Variants in TNR observed in about 807,000 individuals in gnomAD.
TNR encodes the protein tenascin-R.
Under a neutral mutation model 150.4 loss-of-function variants are expected in TNR, and 45 were observed. The observed-to-expected ratio is 0.30, with a 90% CI of 0.24 to 0.38. The LOEUF (loss-of-function observed/expected upper bound fraction) is 0.38, where lower values mean the gene tolerates loss of function less well. Ranked by LOEUF, TNR falls within the 10% of genes least tolerant of loss-of-function variation. The probability of loss-of-function intolerance (pLI) is 1.00; values close to 1 mark genes in which losing one functional copy is unlikely to be tolerated. For synonymous variants in TNR, 687 were observed against 678.4 expected, an observed-to-expected ratio of 1.01 and a Z score of -0.20; for missense variants, 1,544 against 1,759.1, an observed-to-expected ratio of 0.88 and a Z score of 2.19.
chr1:175,528,046 TA>T (rs1433981637), intron 2 of TNR, among the ~76,000 whole-genome samples: 1 of 152,186 alleles, frequency 6.6e-6, no homozygotes, highest in African/African-American at 2.4e-5. Flanking sequence ...AGAAATATTT[TA>T]TGAGAAGCCA....
At chr1:175,330,364 T>C (rs1393811879) in intron 20 of TNR, 129 bp from the exon 21 acceptor site, 4 of 1,029,296 alleles carry the variant, frequency 3.9e-6, no homozygotes, top group Non-Finnish European at 5.4e-6. Context: ...CTTTTGCTCT[T>C]GGTGCTTCAC....
intron 1 of TNR, among the ~76,000 whole-genome samples, chr1:175,710,436 G>T (rs568225389): frequency 6.6e-6 from 1 of 152,102 alleles, no homozygotes; most frequent in South Asian, 2.1e-4. Flanking sequence ...TCTAAAAAGC[G>T]TCTATAGCTC....
At chr1:175,324,167 T>A (rs1432349568) in intron 22 of TNR, among the ~76,000 whole-genome samples, 189 bp downstream of exon 22, 1 of 152,238 alleles carries the variant, frequency 6.6e-6, no homozygotes, top group Non-Finnish European at 1.5e-5. Flanking sequence ...CTGGGTCCTT[T>A]CCTTTCCTTC....
chr1:175,517,881 G>A (rs1659479587), intron 2 of TNR, among the ~76,000 whole-genome samples: 2 of 152,172 alleles, frequency 1.3e-5, no homozygotes, highest in South Asian at 4.1e-4. Context: ...ATGTTTCCAG[G>A]CTGCTCAGCA....
At chr1:175,649,888 T>C (rs1281326497) in intron 1 of TNR, among the ~76,000 whole-genome samples, 1 of 152,252 alleles carries the variant, frequency 6.6e-6, no homozygotes, top group Non-Finnish European at 1.5e-5. Flanking sequence ...TCCATATCTT[T>C]GCAAGTGATG....
At chr1:175,727,216 T>A (rs1321320314) in intron 1 of TNR, among the ~76,000 whole-genome samples, 1 of 152,196 alleles carries the variant, frequency 6.6e-6, no homozygotes, top group African/African-American at 2.4e-5. Flanking sequence ...GCCTAAAACT[T>A]TGGATCTATA....
At position 175,323,347 on chromosome 1, in the gene TNR, C is replaced by T. The variant is rs371264534; in HGVS notation, c.*10G>A. 1.7e-5 allele frequency: 27 copies of T among 1,611,586 alleles called. No homozygotes were observed. Among genetic ancestry groups the T allele is most frequent in the African/African-American group, 4.0e-5 (3 of 74,924 alleles). ...CAGAAAATATTGGTTGGCTTGCAGC[C>T]GCCCACTGCTCAGAACTGTAAGGAC... On this transcript the variant is annotated 3_prime_UTR_variant, in exon 23 of 23. Coordinates refer to ENST00000367674, the MANE Select transcript of TNR (RefSeq NM_003285.3).
At chr1:175,678,039 T>A (rs756470630) in intron 1 of TNR, among the ~76,000 whole-genome samples, 1 of 152,006 alleles carries the variant, frequency 6.6e-6, no homozygotes, top group Admixed American at 6.6e-5. Context: ...AAAAAGCTGT[T>A]CCTAATGGGC....
chr1:175,595,545 T>C (rs1336142986), intron 1 of TNR, among the ~76,000 whole-genome samples: 1 of 152,226 alleles, frequency 6.6e-6, no homozygotes, highest in Non-Finnish European at 1.5e-5. Context: ...CGGTATACTT[T>C]TGCATTGACT....
intron 1 of TNR, among the ~76,000 whole-genome samples, chr1:175,666,140 T>C (rs73033394): frequency 0.019 from 2,856 of 152,252 alleles, 90 homozygotes; most frequent in African/African-American, 0.065. Context: ...GAAAGGTAAG[T>C]ATTATTTATT....
chr1:175,536,450 A>T (rs947567811), intron 1 of TNR, among the ~76,000 whole-genome samples: 39 of 152,220 alleles, frequency 2.6e-4, no homozygotes, highest in Non-Finnish European at 5.3e-4. Flanking sequence ...TTCCATCATT[A>T]TCCCCATTTT....
intron 2 of TNR, among the ~76,000 whole-genome samples, chr1:175,475,350 G>A (rs1160529996): frequency 1.3e-5 from 2 of 152,202 alleles, no homozygotes; most frequent in East Asian, 3.9e-4. Flanking sequence ...GCTTGGGGAG[G>A]AAGCATGGCA....
intron 2 of TNR, among the ~76,000 whole-genome samples, chr1:175,442,619 G>A (rs936350305): frequency 6.6e-5 from 10 of 151,760 alleles, no homozygotes; most frequent in Admixed American, 6.5e-4. Context: ...AGCAACCAGA[G>A]AGAAGAGTAG....
intron 1 of TNR, among the ~76,000 whole-genome samples, chr1:175,566,243 C>T (rs567794289): frequency 1.3e-5 from 2 of 152,324 alleles, no homozygotes; most frequent in East Asian, 3.9e-4. Flanking sequence ...CCCCTGGCTG[C>T]CAGCCTTTTA....
At chr1:175,581,392 G>A (rs1021818610) in intron 1 of TNR, among the ~76,000 whole-genome samples, 23 of 152,304 alleles carry the variant, frequency 1.5e-4, no homozygotes, top group African/African-American at 5.3e-4. Flanking sequence ...GCAAAGAAAC[G>A]GAGGTCCCAG....
At chr1:175,620,740 G>T (rs1663943830) in intron 1 of TNR, among the ~76,000 whole-genome samples, 2 of 152,084 alleles carry the variant, frequency 1.3e-5, no homozygotes, top group Admixed American at 1.3e-4. Context: ...GTCCAGCACT[G>T]CAACAGTCAC....
At chr1:175,689,925 T>C (rs1666310876) in intron 1 of TNR, among the ~76,000 whole-genome samples, 1 of 152,236 alleles carries the variant, frequency 6.6e-6, no homozygotes, top group Non-Finnish European at 1.5e-5. Flanking sequence ...TTGTTGTGAA[T>C]CAATAATAGG....
chr1:175,683,986 G>A (rs774205501), intron 1 of TNR, among the ~76,000 whole-genome samples: 11 of 152,138 alleles, frequency 7.2e-5, no homozygotes, highest in Non-Finnish European at 1.3e-4. Context: ...AGCCTGCTCC[G>A]GGAGCTGGGA....
chr1:175,531,945 T>G (rs1292787783), intron 1 of TNR, among the ~76,000 whole-genome samples: 1 of 152,244 alleles, frequency 6.6e-6, no homozygotes, highest in African/African-American at 2.4e-5. Flanking sequence ...CAAGAGACTC[T>G]GTTGACCTCA....
Sources: allele counts gnomAD v4.1 joint callset (sites outside exome capture counted in the v4.1 genomes callset), GRCh38; gene constraint gnomAD v4.1.1; transcripts MANE v1.5; gene names NCBI Gene and HGNC (gene_info 2026-07-23, HGNC 2026-07-21).